The following NEGR1 variants were observed in gnomAD, a reference collection of about 807,000 sequenced individuals.
NEGR1 encodes IgLON family member 4.
A neutral mutation model predicts 40.9 loss-of-function variants in NEGR1; 10 were observed. The ratio of observed to expected loss-of-function variants is 0.24; its 90% CI spans 0.15 to 0.42. The LOEUF is 0.42. NEGR1 is among the 10% of genes least tolerant of loss of function. NEGR1 has a pLI of 1.00. For synonymous variants in NEGR1, 185 were observed against 166.8 expected, an observed-to-expected ratio of 1.11 and a Z score of -0.84; for missense variants, 352 against 438.9, an observed-to-expected ratio of 0.80 and a Z score of 1.77.
At chr1:71,729,079 CCT>C (rs1654769401) in intron 3 of NEGR1, among the ~76,000 whole-genome samples, 1 of 151,822 alleles carries the variant, frequency 6.6e-6, no homozygotes, top group Non-Finnish European at 1.5e-5. Flanking sequence ...TTGCTCACAC[CCT>C]CTCCTTTTTC....
rs144772441 is a variant in NEGR1, at chr1:71,627,732, T to C, written c.668-16586A>G. On this transcript the variant is annotated intron_variant, in intron 4 of 6. Transcript: ENST00000357731. The stretch of plus-strand genomic sequence containing the variant: ...GAATTGTCCAGACTATTACTTGGAG[T>C]AGAGTTTTCCAAAGTTATTCATTCT... Among the ~76,000 whole-genome samples the C allele has an allele frequency of 2.8e-3, 430 of 152,058 alleles. 3 individuals are homozygous for C. The highest frequency in any genetic ancestry group is 0.01 in the African/African-American group (416 of 41,500).
At chr1:71,598,383 T>A (rs990799837) in intron 5 of NEGR1, among the ~76,000 whole-genome samples, 5 of 151,976 alleles carry the variant, frequency 3.3e-5, no homozygotes, top group African/African-American at 7.2e-5. Context: ...GGGTAAAAAA[T>A]TAACTAAAAA....
At chr1:72,225,249 GTCC>G (rs1416502546) in intron 1 of NEGR1, among the ~76,000 whole-genome samples, 1 of 151,778 alleles carries the variant, frequency 6.6e-6, no homozygotes, top group Non-Finnish European at 1.5e-5. Context: ...TTGAATACAA[GTCC>G]TCCTGATTTG....
At chr1:72,018,397 C>G (rs1557486032) in intron 1 of NEGR1, among the ~76,000 whole-genome samples, 2 of 152,024 alleles carry the variant, frequency 1.3e-5, no homozygotes, top group Non-Finnish European at 2.9e-5. Context: ...ACTACCAGTG[C>G]CTAGGATTCC....
rs766346608 is a variant in NEGR1 at position 71,781,479 on chromosome 1, G to A, written c.410-5182C>T. On this transcript the variant is annotated intron_variant, in intron 2 of 6. Coordinates refer to ENST00000357731, the MANE Select transcript of NEGR1 (RefSeq NM_173808.3). The stretch of plus-strand genomic sequence containing the variant: ...ACTGGAATCAATTAAATGCCCCATC[G>A]AGCTCTTAAGCTGTAAGAGTCCGTG... 5.9e-5 allele frequency among the ~76,000 whole-genome samples: 9 copies of A among 152,078 alleles called. No individual in the cohort carries two copies. In the East Asian group the frequency reaches 1.7e-3, roughly 29 times the overall value.
intron 1 of NEGR1, among the ~76,000 whole-genome samples, chr1:72,220,464 T>G (rs1653975778): frequency 6.6e-6 from 1 of 152,000 alleles, no homozygotes; most frequent in Non-Finnish European, 1.5e-5. Flanking sequence ...AAATGTATTT[T>G]TCTCCATTAA....
At chr1:71,966,018 C>T (rs990994089) in intron 1 of NEGR1, among the ~76,000 whole-genome samples, 12 of 152,098 alleles carry the variant, frequency 7.9e-5, no homozygotes, top group Non-Finnish European at 1.5e-4. Flanking sequence ...AATTCAATAA[C>T]CATGTGCTAA....
intron 2 of NEGR1, among the ~76,000 whole-genome samples, chr1:71,821,213 C>T (rs1658417232): frequency 6.6e-6 from 1 of 151,956 alleles, no homozygotes; most frequent in Admixed American, 6.6e-5. Flanking sequence ...GGATAACCCA[C>T]AGTACTTCCC....
intron 2 of NEGR1, among the ~76,000 whole-genome samples, chr1:71,877,269 A>G (rs1032782013): frequency 2.6e-5 from 4 of 152,324 alleles, no homozygotes; most frequent in Middle Eastern, 3.4e-3. Flanking sequence ...TAGCTATAAT[A>G]ATCTATAGGG....
At chr1:72,079,149 CA>C (rs1395868528) in intron 1 of NEGR1, among the ~76,000 whole-genome samples, 3 of 146,918 alleles carry the variant, frequency 2.0e-5, no homozygotes, top group Non-Finnish European at 4.5e-5. Context: ...AAATGAGTGC[CA>C]AATTTCTATA....
At chr1:71,437,674 G>A (rs76895922) in intron 6 of NEGR1, among the ~76,000 whole-genome samples, 134 of 152,210 alleles carry the variant, frequency 8.8e-4, no homozygotes, top group African/African-American at 2.1e-3. Flanking sequence ...ATGTGAGTGC[G>A]GAAGAGGTCA....
chr1:72,002,414 A>C (rs1460666322), intron 1 of NEGR1, among the ~76,000 whole-genome samples: 1 of 152,174 alleles, frequency 6.6e-6, no homozygotes, highest in Non-Finnish European at 1.5e-5. Context: ...CCCTAGACTA[A>C]AGCACAATTC....
At chr1:71,677,438 T>G (rs943013199) in intron 4 of NEGR1, among the ~76,000 whole-genome samples, 1 of 152,178 alleles carries the variant, frequency 6.6e-6, no homozygotes, top group Admixed American at 6.5e-5. Context: ...TTAATTTGAG[T>G]TGCATGGCTG....
intron 1 of NEGR1, among the ~76,000 whole-genome samples, chr1:71,960,400 A>G (rs1413813311): frequency 6.6e-6 from 1 of 152,192 alleles, no homozygotes; most frequent in Non-Finnish European, 1.5e-5. Context: ...AAGATATAAC[A>G]AGGTATTTGA....
chr1:72,141,499 T>A (rs1261206716), intron 1 of NEGR1, among the ~76,000 whole-genome samples: 1 of 152,014 alleles, frequency 6.6e-6, no homozygotes, highest in Non-Finnish European at 1.5e-5. Context: ...GTAATTTGAA[T>A]GAGTTATCAT....
intron 1 of NEGR1, among the ~76,000 whole-genome samples, chr1:72,006,442 T>G (rs1646607371): frequency 6.6e-6 from 1 of 152,186 alleles, no homozygotes; most frequent in Admixed American, 6.5e-5. Flanking sequence ...GAAGAATTAT[T>G]TTCCTCTATA....
At chr1:72,189,484 G>A (rs975600640) in intron 1 of NEGR1, among the ~76,000 whole-genome samples, 1 of 151,360 alleles carries the variant, frequency 6.6e-6, no homozygotes, top group African/African-American at 2.4e-5. Flanking sequence ...CCTCTGTTCT[G>A]AGCTCCCAAA....
intron 6 of NEGR1, among the ~76,000 whole-genome samples, chr1:71,440,040 T>G (rs17091221): frequency 0.093 from 14,115 of 152,230 alleles, 762 homozygotes; most frequent in African/African-American, 0.15. Context: ...ATTTGTATTC[T>G]ATGGCTTACG....
intron 1 of NEGR1, among the ~76,000 whole-genome samples, chr1:71,951,351 C>A (rs1468115044): frequency 6.6e-6 from 1 of 151,860 alleles, no homozygotes; most frequent in Admixed American, 6.6e-5. Flanking sequence ...TATTAATGGG[C>A]AGGCAACTGT....
Sources: gnomAD v4.1 joint callset for allele counts (sites outside exome capture counted in the v4.1 genomes callset) on GRCh38, gnomAD v4.1.1 for gene constraint, MANE v1.5 for transcripts, NCBI Gene and HGNC (gene_info 2026-07-23, HGNC 2026-07-21) for gene names.